The following FBXL7 variants were observed in gnomAD, a reference collection of about 807,000 sequenced individuals.
FBXL7 encodes F-box/LRR-repeat protein 7.
A neutral mutation model predicts 38.3 loss-of-function variants in FBXL7; 12 were observed. The ratio of observed to expected loss-of-function variants is 0.31; its 90% CI spans 0.20 to 0.51. The LOEUF is 0.51. Among genes scored for constraint, FBXL7 ranks in the 20% least tolerant of loss-of-function variants. FBXL7 has a pLI of 0.98. For synonymous variants in FBXL7, 297 were observed against 300.9 expected (o/e 0.99, Z 0.13); for missense variants, 567 against 676.4 (o/e 0.84, Z 1.79).
intron 2 of FBXL7, among the ~76,000 whole-genome samples, chr5:15,827,912 A>G (rs1561142046): frequency 6.6e-6 from 1 of 152,222 alleles, no homozygotes; most frequent in Non-Finnish European, 1.5e-5. Flanking sequence ...GGCTACAATT[A>G]TACAACAACA....
chr5:15,776,909 T>C (rs35590681), intron 2 of FBXL7, among the ~76,000 whole-genome samples: 1,788 of 152,216 alleles, frequency 0.012, 8 homozygotes, highest in Admixed American at 0.019. Context: ...GTATACCTGA[T>C]TACATATATA....
At position 15,733,380 on chromosome 5, in the gene FBXL7, C is replaced by T. The variant is rs534967082; in HGVS notation, c.127+117308C>T. ...TGCTGGGATTACAGGCGTGAGCCAC[C>T]GCCCCGGCCAGAAATCATATTTAAT... On this transcript the variant is annotated intron_variant, in intron 2 of 3. Transcript: ENST00000504595. Among the ~76,000 whole-genome samples, 193 of 65,848 alleles carry T rather than the reference C, an allele frequency of 2.9e-3. 7 individuals are homozygous for T. In the South Asian group the frequency reaches 0.13, roughly 44 times the overall value. The allele number at this position is 65,848 out of a possible 152,430, so 43.2% of individuals were successfully genotyped here.
At chr5:15,825,059 T>G (rs1282858241) in intron 2 of FBXL7, among the ~76,000 whole-genome samples, 2 of 152,318 alleles carry the variant, frequency 1.3e-5, no homozygotes, top group South Asian at 2.1e-4. Flanking sequence ...ACTCAATGGG[T>G]TTTTTATTTT....
At chr5:15,780,014 T>C (rs1458178699) in intron 2 of FBXL7, among the ~76,000 whole-genome samples, 2 of 152,160 alleles carry the variant, frequency 1.3e-5, no homozygotes, top group African/African-American at 4.8e-5. Flanking sequence ...AATTGCCACA[T>C]CATGTGGGTA....
At position 15,936,823 on chromosome 5, in the gene FBXL7, G is replaced by A; in HGVS notation, c.1113G>A (p.Val371=). 6.2e-7 allele frequency: 1 copy of A among 1,613,408 alleles called. No homozygotes were observed. Among genetic ancestry groups the A allele is most frequent in the Non-Finnish European group, 8.5e-7 (1 of 1,179,704 alleles). The change falls in exon 4 of 4, where the codon GTG becomes GTA. Residue 371 remains valine (V), a synonymous_variant. Transcript: ENST00000504595. This position sits in a 1 kb window ranked among gnomAD's most constrained non-coding sequence, Gnocchi z 6.0. ...GRVTDVGIRY[V]AKYCSKLRYL... Reference sequence around the variant, plus strand: ...TCACCGACGTGGGCATCCGCTACGTGGCCAAGTACTGCAGCAAGCTGCGCT... The same window carrying A: ...TCACCGACGTGGGCATCCGCTACGTAGCCAAGTACTGCAGCAAGCTGCGCT...
chr5:15,684,420 C>T (rs376474608), intron 2 of FBXL7, among the ~76,000 whole-genome samples: 10 of 152,114 alleles, frequency 6.6e-5, no homozygotes, highest in African/African-American at 1.7e-4. Flanking sequence ...GTATTGCAGG[C>T]AGACAGCAAG....
At chr5:15,590,436 C>G (rs1288195083) in intron 1 of FBXL7, among the ~76,000 whole-genome samples, 6 of 151,964 alleles carry the variant, frequency 3.9e-5, no homozygotes, top group African/African-American at 1.4e-4. Flanking sequence ...TCAAAGATTC[C>G]TCACTGCTCT....
intron 1 of FBXL7, among the ~76,000 whole-genome samples, chr5:15,585,097 CCTTAA>C (rs759079132): frequency 1.8e-3 from 270 of 152,208 alleles, no homozygotes; most frequent in Non-Finnish European, 2.8e-3. Flanking sequence ...GTTAACTTCT[CCTTAA>C]CTTAAAATGC....
chr5:15,622,500 T>C (rs1740687064), intron 2 of FBXL7, among the ~76,000 whole-genome samples: 1 of 152,092 alleles, frequency 6.6e-6, no homozygotes, highest in South Asian at 2.1e-4. Flanking sequence ...GTGTTCTCAT[T>C]GTTCAATTCC....
At chr5:15,811,077 C>G (rs555722029) in intron 2 of FBXL7, among the ~76,000 whole-genome samples, 1 of 152,260 alleles carries the variant, frequency 6.6e-6, no homozygotes, top group African/African-American at 2.4e-5. Flanking sequence ...TTTACAGTTA[C>G]TAACCATCCT....
chr5:15,633,972 G>T (rs1741087916), intron 2 of FBXL7, among the ~76,000 whole-genome samples: 1 of 151,404 alleles, frequency 6.6e-6, no homozygotes, highest in Admixed American at 6.6e-5. Flanking sequence ...GTAGAGATGG[G>T]GTTTTACCAT....
intron 2 of FBXL7, among the ~76,000 whole-genome samples, chr5:15,887,219 G>A (rs1740714354): frequency 6.6e-6 from 1 of 152,120 alleles, no homozygotes; most frequent in African/African-American, 2.4e-5. Context: ...TTGGAAACTC[G>A]ATCCAAGTTT....
intron 2 of FBXL7, among the ~76,000 whole-genome samples, chr5:15,763,351 A>G (rs968140014): frequency 6.6e-6 from 1 of 152,242 alleles, no homozygotes; most frequent in South Asian, 2.1e-4. Context: ...GACGTGATAA[A>G]GTCAGCTATT....
chr5:15,643,745 G>A (rs147624354), intron 2 of FBXL7, among the ~76,000 whole-genome samples: 344 of 152,264 alleles, frequency 2.3e-3, no homozygotes, highest in African/African-American at 7.7e-3. Context: ...TGTTTCTGCC[G>A]TGCAGCTAAT....
At chr5:15,539,291 A>G (rs1737671018) in intron 1 of FBXL7, among the ~76,000 whole-genome samples, 1 of 152,182 alleles carries the variant, frequency 6.6e-6, no homozygotes, top group Admixed American at 6.5e-5. Context: ...TCATAGTTAA[A>G]TGGCACATCT....
In FBXL7 at chr5:15,690,378, C is replaced by G. The variant is rs567943963; in HGVS notation, c.127+74306C>G. Among the ~76,000 whole-genome samples, 256 of 151,928 alleles carry G rather than the reference C, an allele frequency of 1.7e-3. 2 individuals carry two copies. The highest frequency in any genetic ancestry group is 5.6e-3 in the African/African-American group (233 of 41,272). On this transcript the variant is annotated intron_variant, in intron 2 of 3. Transcript: ENST00000504595. ...ACACTATAGATTTGTGAAAGCAGTCCTGACGAAATATTTTTTTTAATTTTA... is the reference window on the plus strand; with the variant it reads ...ACACTATAGATTTGTGAAAGCAGTCGTGACGAAATATTTTTTTTAATTTTA...
intron 1 of FBXL7, among the ~76,000 whole-genome samples, chr5:15,527,379 A>G (rs1737281585): frequency 6.6e-6 from 1 of 152,208 alleles, no homozygotes; most frequent in African/African-American, 2.4e-5. Context: ...TTAGCTTGAC[A>G]AATGTTAAAA....
At chr5:15,859,613 G>A (rs1739390268) in intron 2 of FBXL7, among the ~76,000 whole-genome samples, 1 of 152,020 alleles carries the variant, frequency 6.6e-6, no homozygotes, top group Non-Finnish European at 1.5e-5. Flanking sequence ...TGTGTGCAGA[G>A]GAACTCCCTT....
chr5:15,615,956 A>G (rs1213454588), intron 1 of FBXL7, 27 bp from the exon 2 acceptor site: 7 of 1,560,074 alleles, frequency 4.5e-6, no homozygotes, highest in Admixed American at 1.7e-5. Flanking sequence ...ACAAATCTCA[A>G]AAGCTGCTCA....
Sources: gnomAD v4.1 joint callset for allele counts (sites outside exome capture counted in the v4.1 genomes callset) on GRCh38, gnomAD v4.1.1 for gene constraint, Gnocchi (gnomAD v3.1) non-coding constraint, MANE v1.5 for transcripts, NCBI Gene and HGNC (gene_info 2026-07-23, HGNC 2026-07-21) for gene names.